MYO5C: variants seen among roughly 807,000 people sequenced by gnomAD.
The protein encoded by MYO5C is myosin VC, also known as unconventional myosin-Vc.
MYO5C carries 194 observed loss-of-function variants against 235.7 expected under a neutral mutation model. That is an observed-to-expected ratio of 0.82 (90% CI 0.73 to 0.93). The LOEUF is 0.93. Among genes scored for constraint, MYO5C ranks in the 40% least tolerant of loss-of-function variants. The pLI, the probability that MYO5C is intolerant of heterozygous loss-of-function variation, is 0.00. For missense variants in MYO5C, 2,038 were observed against 2,127.2 expected (o/e 0.96, Z 0.82); for synonymous variants, 707 against 754.8 (o/e 0.94, Z 1.04).
At chr15:52,289,664 A>G (rs1447213373) in intron 1 of MYO5C, among the ~76,000 whole-genome samples, 1 of 149,286 alleles carries the variant, frequency 6.7e-6, no homozygotes, top group Admixed American at 6.7e-5. Context: ...AGGCTTCCTC[A>G]GCCAGGCTGA....
chr15:52,243,886 G>A (rs2036278695), intron 19 of MYO5C, among the ~76,000 whole-genome samples: 1 of 152,172 alleles, frequency 6.6e-6, no homozygotes, highest in African/African-American at 2.4e-5. Flanking sequence ...CCTGCTTAGG[G>A]GTTCTGTGAT....
chr15:52,240,050 T>C (rs1331655021), intron 20 of MYO5C, among the ~76,000 whole-genome samples, 171 bp from the exon 21 acceptor site: 2 of 152,210 alleles, frequency 1.3e-5, no homozygotes, highest in East Asian at 1.9e-4. Flanking sequence ...ATCCTACCTG[T>C]AGCAGGTGTA....
At chr15:52,207,864 CAT>C (rs2141270491) in intron 36 of MYO5C, among the ~76,000 whole-genome samples, 1 of 152,296 alleles carries the variant, frequency 6.6e-6, no homozygotes, top group Admixed American at 6.5e-5. Context: ...GACCAATAAA[CAT>C]ATAAAATTAT....
intron 24 of MYO5C, among the ~76,000 whole-genome samples, chr15:52,230,012 G>A (rs745668887): frequency 8.5e-5 from 13 of 152,218 alleles, no homozygotes; most frequent in East Asian, 1.9e-4. Context: ...CTCCTTCCTC[G>A]TTCCAAGGAT....
In MYO5C at chr15:52,245,376, A is replaced by G; in HGVS notation, c.2156T>C (p.Val719Ala). 1 of 1,613,978 alleles carries G rather than the reference A, an allele frequency of 6.2e-7. No individual in the cohort carries two copies. The change falls in exon 18 of 41, where the codon GTG becomes GCG. Residue 719 changes from valine to alanine, a missense_variant. Val to Ala is a moderately conservative substitution (Grantham distance 64). Coordinates refer to ENST00000261839, the MANE Select transcript of MYO5C (RefSeq NM_018728.4). ...GACCTGGATGAGTCTGTGTAAAACC[A>G]CCTTGCACACCTCCTTTTTATCGCT... ...SFSDKKEVCK[V>A]VLHRLIQDSN...
In MYO5C at chr15:52,232,632, G is replaced by A. The variant is rs763437157; in HGVS notation, c.3016C>T (p.Arg1006Trp). ...AACTAGATTCCATACATTCTTTGCC[G>A]TTCTTCCTTTTGTACATCATCAAAG... ...QLFDDVQKEE[R>W]QRMLLEKSFE... The change falls in exon 24 of 41, where the codon CGG becomes TGG. Residue 1006 changes from arginine (R) to tryptophan (W), a missense_variant. Physicochemically the swap from Arg to Trp is moderately radical, Grantham distance 101. Transcript: ENST00000261839. 1.3e-5 allele frequency: 21 copies of A among 1,613,304 alleles called. No individual in the cohort carries two copies. The highest frequency in any genetic ancestry group is 3.3e-4 in the Middle Eastern group (2 of 6,080).
Position 52,229,153 on chromosome 15 carries a change from G to A in MYO5C, c.3187C>T (p.Arg1063Cys), listed in dbSNP as rs779447148. Reference protein sequence around the residue: ...TSDGLKAEVARLSKQVKTISE... With the variant: ...TSDGLKAEVACLSKQVKTISE... ...TCTACCTTGACCTGCTTGCTCAGGCGGGCCACTTCCGCCTTCAAGCCATCA... is the reference window on the plus strand; with the variant it reads ...TCTACCTTGACCTGCTTGCTCAGGCAGGCCACTTCCGCCTTCAAGCCATCA... The change falls in exon 25 of 41, where the codon CGC becomes TGC. Residue 1063 changes from arginine to cysteine, a missense_variant. Arg to Cys is a radical substitution (Grantham distance 180). Transcript: ENST00000261839. 7.4e-6 allele frequency: 12 copies of A among 1,614,030 alleles called. No homozygotes were observed. The highest frequency in any genetic ancestry group is 1.3e-5 in the African/African-American group (1 of 74,926).
Position 52,238,389 on chromosome 15 carries a change from C to A in MYO5C, c.2704-743G>T, listed in dbSNP as rs76779995. ...GTGCTATTCTGCACAAGCTGTGTAG[C>A]ATGCAGGCTTGTTACACAACAGCAC... is the stretch of plus-strand genomic sequence containing the variant. On this transcript the variant is annotated intron_variant, in intron 21 of 40. Transcript: ENST00000261839. Among the ~76,000 whole-genome samples the A allele has an allele frequency of 7.9e-3, 1,209 of 152,328 alleles. 15 individuals carry two copies. The highest frequency in any genetic ancestry group is 0.027 in the Admixed American group (420 of 15,306).
intron 36 of MYO5C, among the ~76,000 whole-genome samples, chr15:52,206,206 C>T (rs934538915): frequency 3.2e-4 from 49 of 152,124 alleles, no homozygotes; most frequent in African/African-American, 1.2e-3. Flanking sequence ...TCCCTGGAAC[C>T]TATAGACTAA....
rs899830235 is a variant in MYO5C at position 52,256,673 on chromosome 15, T to C, written c.1361A>G (p.Tyr454Cys). 1 of 1,613,720 alleles carries C rather than the reference T, an allele frequency of 6.2e-7. No homozygotes were observed. The highest frequency in any genetic ancestry group is 1.7e-5 in the Admixed American group (1 of 59,968). Residue 454 changes from tyrosine (Y) to cysteine (C), a missense_variant, in exon 11 of 41, where the codon TAC becomes TGC. Transcript: ENST00000261839. Reference sequence around the variant, plus strand: ...CTGTTGTTGCAGTTTTTCATTAGCGTAATTGATGCAAAATTGTTCAAAGCT... The same window carrying C: ...CTGTTGTTGCAGTTTTTCATTAGCGCAATTGATGCAAAATTGTTCAAAGCT... ...VNSFEQFCIN[Y>C]ANEKLQQQFN... is the part of the protein sequence containing the mutation.
chr15:52,199,818 C>G (rs1278711464), intron 38 of MYO5C, among the ~76,000 whole-genome samples: 2 of 152,186 alleles, frequency 1.3e-5, no homozygotes, highest in Non-Finnish European at 2.9e-5. Flanking sequence ...AAGGTTCTCT[C>G]TTTGCCCTCA....
intron 24 of MYO5C, 111 bp downstream of exon 24, chr15:52,232,511 C>T: frequency 1.0e-6 from 1 of 995,002 alleles, no homozygotes; most frequent in Non-Finnish European, 1.6e-6. Context: ...TAAAAACAGT[C>T]ACACCCCACT....
At chr15:52,278,635 G>T (rs2037099419) in intron 4 of MYO5C, among the ~76,000 whole-genome samples, 1 of 152,152 alleles carries the variant, frequency 6.6e-6, no homozygotes. Context: ...TTCCCAGACT[G>T]GTAGGACTGA....
chr15:52,235,924 C>T (rs2036072508), intron 22 of MYO5C, among the ~76,000 whole-genome samples, 161 bp from the exon 23 acceptor site: 1 of 152,188 alleles, frequency 6.6e-6, no homozygotes, highest in African/African-American at 2.4e-5. Context: ...TAAGACGCTG[C>T]CATTTGTTTC....
chr15:52,218,153 G>C (rs545516432), intron 32 of MYO5C, among the ~76,000 whole-genome samples: 1 of 152,190 alleles, frequency 6.6e-6, no homozygotes, highest in African/African-American at 2.4e-5. Flanking sequence ...AAGAAAGCAT[G>C]GGCACTTATA....
intron 28 of MYO5C, among the ~76,000 whole-genome samples, chr15:52,224,070 G>C (rs2035762605): frequency 6.6e-6 from 1 of 152,174 alleles, no homozygotes; most frequent in Non-Finnish European, 1.5e-5. Context: ...ATCACTTGAG[G>C]TCAGGAGTTT....
chr15:52,229,547 C>T (rs2035905228), intron 24 of MYO5C, among the ~76,000 whole-genome samples: 2 of 152,086 alleles, frequency 1.3e-5, no homozygotes, highest in Non-Finnish European at 2.9e-5. Flanking sequence ...TCGCTTGAGC[C>T]CAGGAGGTCC....
intron 14 of MYO5C, among the ~76,000 whole-genome samples, 192 bp from the exon 15 acceptor site, chr15:52,247,784 G>A (rs1460890789): frequency 6.6e-6 from 1 of 152,132 alleles, no homozygotes; most frequent in Non-Finnish European, 1.5e-5. Context: ...CTTCTTTCCC[G>A]AGAAGGGGAA....
chr15:52,207,332 G>A (rs1276594183), intron 36 of MYO5C, among the ~76,000 whole-genome samples: 1 of 152,194 alleles, frequency 6.6e-6, no homozygotes, highest in Admixed American at 6.5e-5. Flanking sequence ...TTCCACTGAT[G>A]TCTCACAGAT....
Sources: gnomAD v4.1 joint callset for allele counts (sites outside exome capture counted in the v4.1 genomes callset) on GRCh38, gnomAD v4.1.1 for gene constraint, MANE v1.5 for transcripts, NCBI Gene and HGNC (gene_info 2026-07-23, HGNC 2026-07-21) for gene names.